CFAP54: variants seen among roughly 807,000 people sequenced by gnomAD.
CFAP54 encodes cilia and flagella associated protein 54, also known as cilia- and flagella-associated protein 54.
In CFAP54, 290 loss-of-function variants were observed where a neutral mutation model predicts 370.4. The observed-to-expected ratio is 0.78, with a 90% CI of 0.71 to 0.86. The LOEUF (loss-of-function observed/expected upper bound fraction) is 0.86. Among genes scored for constraint, CFAP54 ranks in the 40% least tolerant of loss-of-function variants. The pLI, the probability that CFAP54 is intolerant of heterozygous loss-of-function variation, is 0.00. For synonymous variants in CFAP54, 1,206 were observed against 1,236.5 expected, an observed-to-expected ratio of 0.98 and a Z score of 0.52; for missense variants, 3,399 against 3,528.7, an observed-to-expected ratio of 0.96 and a Z score of 0.93.
chr12:96,611,481 T>C (rs1003126314), intron 26 of CFAP54, among the ~76,000 whole-genome samples: 4 of 152,164 alleles, frequency 2.6e-5, no homozygotes, highest in African/African-American at 9.7e-5. Flanking sequence ...TCAGAGTGGC[T>C]CTCTCCCTCC....
At position 96,705,325 on chromosome 12, in the gene CFAP54, T is replaced by C. The variant is rs993207746; in HGVS notation, c.6528+529T>C. 3.9e-5 allele frequency among the ~76,000 whole-genome samples: 6 copies of C among 152,324 alleles called. No homozygotes were observed. In the South Asian group the frequency reaches 6.2e-4, roughly 16 times the overall value. On this transcript the variant is annotated intron_variant, in intron 47 of 67. Coordinates refer to ENST00000524981, the MANE Select transcript of CFAP54 (RefSeq NM_001306084.2). ...GTCTTCCATAATTTTAATAGGACTA[T>C]ATCTAACTTTTATTAAATGTAATCT...
intron 26 of CFAP54, among the ~76,000 whole-genome samples, chr12:96,613,470 A>C (rs1200746555): frequency 6.6e-6 from 1 of 152,202 alleles, no homozygotes; most frequent in Non-Finnish European, 1.5e-5. Context: ...CTAGAGAAGC[A>C]AGAGCGAACA....
chr12:96,825,457 A>C (rs1369967660), intron 65 of CFAP54, among the ~76,000 whole-genome samples: 1 of 116,124 alleles, frequency 8.6e-6, no homozygotes, highest in African/African-American at 3.7e-5. Flanking sequence ...TATTATATAT[A>C]ATATAATATA....
rs1956841208 is a variant in CFAP54, at chr12:96,650,057, C to T, written c.4857C>T (p.Tyr1619=). ...ATCATTTTATGAAAATCTTTTTATA[C>T]TGCAGGAGAGCAATGGTAATGCAAT... is the stretch of plus-strand genomic sequence containing the variant. The part of the protein sequence containing the change: ...VMDHFMKIFL[Y]CRRAMVLAHR... Residue 1619 remains tyrosine, a synonymous_variant, in exon 35 of 68, where the codon TAC becomes TAT. Coordinates refer to ENST00000524981, the MANE Select transcript of CFAP54 (RefSeq NM_001306084.2). 3 of 1,610,162 alleles carry T rather than the reference C, an allele frequency of 1.9e-6. No homozygotes were observed. The highest frequency in any genetic ancestry group is 1.7e-6 in the Non-Finnish European group (2 of 1,178,752).
intron 66 of CFAP54, among the ~76,000 whole-genome samples, chr12:96,850,446 C>CAATGGTTG (rs1959509135): frequency 6.6e-6 from 1 of 151,922 alleles, no homozygotes; most frequent in South Asian, 2.1e-4. Context: ...TTGGACTTGC[C>CAATGGTTG]AATGGTTGAC....
chr12:96,857,338 G>T (rs1959733675), intron 66 of CFAP54, among the ~76,000 whole-genome samples: 1 of 152,058 alleles, frequency 6.6e-6, no homozygotes, highest in African/African-American at 2.4e-5. Flanking sequence ...TTCCTTCTTT[G>T]TGCCCATAAG....
At chr12:96,700,163 A>G (rs2136577222) in intron 46 of CFAP54, 70 bp downstream of exon 46, 2 of 1,460,800 alleles carry the variant, frequency 1.4e-6, no homozygotes, top group Non-Finnish European at 1.9e-6. Context: ...TGTAAGGAAC[A>G]TTCCCACGAA....
chr12:96,686,811 T>G (rs1272719418), intron 42 of CFAP54, among the ~76,000 whole-genome samples: 1 of 152,188 alleles, frequency 6.6e-6, no homozygotes, highest in East Asian at 1.9e-4. Context: ...GACTTCAACA[T>G]ATGAATTTCT....
chr12:96,802,057 G>T (rs1473498488), intron 63 of CFAP54, among the ~76,000 whole-genome samples: 1 of 152,094 alleles, frequency 6.6e-6, no homozygotes, highest in East Asian at 1.9e-4. Flanking sequence ...CAGGCCTAAG[G>T]TGCTGTTTTG....
At chr12:96,629,557 C>A (rs1164104044) in intron 30 of CFAP54, among the ~76,000 whole-genome samples, 1 of 151,972 alleles carries the variant, frequency 6.6e-6, no homozygotes, top group African/African-American at 2.4e-5. Flanking sequence ...TCGTGATCCA[C>A]CCGCCTCAGC....
rs1178362430 is a variant in CFAP54 at position 96,489,588 on chromosome 12, A to T, written c.-22A>T. The T allele has an allele frequency of 4.7e-6, 7 of 1,499,146 alleles. No homozygotes were observed. Among genetic ancestry groups the T allele is most frequent in the Non-Finnish European group, 4.4e-6 (5 of 1,124,542 alleles). 92.9% of individuals were successfully genotyped at this position (1,499,146 alleles called of 1,614,324 possible). A position where few individuals can be genotyped will look rare whatever the true frequency, so the allele number is the denominator to read the frequency against. Reference sequence around the variant, plus strand: ...AGGCAACCGCGTGTACACATACTCCAGGCGGGCCGGGGCGCGTCAATATGG... The same window carrying T: ...AGGCAACCGCGTGTACACATACTCCTGGCGGGCCGGGGCGCGTCAATATGG... On this transcript the variant is annotated 5_prime_UTR_variant, in exon 1 of 68. Transcript: ENST00000524981.
At chr12:96,511,881 A>G (rs11608475) in intron 4 of CFAP54, among the ~76,000 whole-genome samples, 15,214 of 152,262 alleles carry the variant, frequency 0.1, 1,246 homozygotes, top group East Asian at 0.45. Flanking sequence ...TATTTAGACT[A>G]TCTGTTACAA....
chr12:96,702,961 T>C (rs1293446102), intron 46 of CFAP54, among the ~76,000 whole-genome samples: 2 of 152,212 alleles, frequency 1.3e-5, no homozygotes, highest in African/African-American at 4.8e-5. Flanking sequence ...GCTCTTATCA[T>C]CAAATCTAAA....
intron 66 of CFAP54, among the ~76,000 whole-genome samples, chr12:96,848,376 AAT>A (rs1040392337): frequency 6.6e-6 from 1 of 152,116 alleles, no homozygotes; most frequent in Non-Finnish European, 1.5e-5. Context: ...CAACCAAAAT[AAT>A]GTTATTTATT....
At chr12:96,499,431 A>G (rs11108549) in intron 1 of CFAP54, among the ~76,000 whole-genome samples, 6 of 152,034 alleles carry the variant, frequency 3.9e-5, no homozygotes, top group Admixed American at 3.9e-4. Flanking sequence ...CTACATGCCT[A>G]TTAGGAAGGC....
chr12:96,537,629 G>T (rs1990693), intron 12 of CFAP54, among the ~76,000 whole-genome samples: 1 of 152,086 alleles, frequency 6.6e-6, no homozygotes, highest in African/African-American at 2.4e-5. Context: ...GGTCTGAGCC[G>T]CTGCGCCTGT....
chr12:96,831,353 C>T (rs1174797674), intron 66 of CFAP54, among the ~76,000 whole-genome samples: 1 of 152,130 alleles, frequency 6.6e-6, no homozygotes, highest in Admixed American at 6.5e-5. Flanking sequence ...TTGGGGTCAG[C>T]AAACTACAGC....
At chr12:96,598,176 A>C (rs1487730398) in intron 25 of CFAP54, among the ~76,000 whole-genome samples, 1 of 152,024 alleles carries the variant, frequency 6.6e-6, no homozygotes, top group Non-Finnish European at 1.5e-5. Context: ...AGTAAGTACC[A>C]ATATTAGTTG....
At chr12:96,660,292 G>A (rs1346636789) in intron 38 of CFAP54, among the ~76,000 whole-genome samples, 1 of 152,196 alleles carries the variant, frequency 6.6e-6, no homozygotes. Flanking sequence ...AGAGGAGGCT[G>A]CTCCTTCCGA....
Sources: gnomAD v4.1 joint callset for allele counts (sites outside exome capture counted in the v4.1 genomes callset) on GRCh38, gnomAD v4.1.1 for gene constraint, MANE v1.5 for transcripts, NCBI Gene and HGNC (gene_info 2026-07-23, HGNC 2026-07-21) for gene names.